ZNF385B: variants seen among roughly 807,000 people sequenced by gnomAD.
The protein encoded by ZNF385B is zinc finger protein 533.
In ZNF385B, 23 loss-of-function variants were observed where a neutral mutation model predicts 39.2. That is an observed-to-expected ratio of 0.59 (90% CI 0.42 to 0.83). The LOEUF is 0.83. Among genes scored for constraint, ZNF385B ranks in the 40% least tolerant of loss-of-function variants. The probability of loss-of-function intolerance (pLI) is 0.00; values close to 1 mark genes in which losing one functional copy is unlikely to be tolerated. For synonymous variants in ZNF385B, 205 were observed against 222.6 expected (o/e 0.92, Z 0.70); for missense variants, 552 against 598.9 (o/e 0.92, Z 0.82).
chr2:179,585,815 T>C (rs1011024663), intron 3 of ZNF385B: 1 of 152,226 alleles, frequency 6.6e-6, no homozygotes, highest in African/African-American at 2.4e-5. Flanking sequence ...GTGACCTTTA[T>C]CATCTCTTCC....
intron 1 of ZNF385B, among the ~76,000 whole-genome samples, chr2:179,779,152 A>C (rs905605203): frequency 3.9e-5 from 6 of 152,224 alleles, no homozygotes; most frequent in African/African-American, 1.4e-4. Flanking sequence ...TATTCTAAAA[A>C]ACACAGTGCT....
chr2:179,447,529 C>T (rs1282068732), intron 6 of ZNF385B, among the ~76,000 whole-genome samples: 1 of 152,172 alleles, frequency 6.6e-6, no homozygotes, highest in Non-Finnish European at 1.5e-5. Context: ...GTTAGAGTGA[C>T]TTTAACAGAA....
At chr2:179,484,963 C>T (rs1279036379) in intron 5 of ZNF385B, among the ~76,000 whole-genome samples, 1 of 151,936 alleles carries the variant, frequency 6.6e-6, no homozygotes, top group African/African-American at 2.4e-5. Flanking sequence ...CTTACATAGG[C>T]CTCTTGGTGG....
chr2:179,520,152 C>A (rs1043086617), intron 4 of ZNF385B, among the ~76,000 whole-genome samples: 16 of 151,552 alleles, frequency 1.1e-4, no homozygotes, highest in Admixed American at 6.6e-5. Context: ...GGCAACACAG[C>A]AAGACCCTGT....
intron 3 of ZNF385B, among the ~76,000 whole-genome samples, chr2:179,618,917 A>C (rs904854611): frequency 3.9e-5 from 6 of 152,238 alleles, no homozygotes; most frequent in Non-Finnish European, 8.8e-5. Context: ...GGAAGGTAGC[A>C]CAGACAGAAG....
At chr2:179,703,190 C>G (rs1699338972) in intron 3 of ZNF385B, among the ~76,000 whole-genome samples, 1 of 152,240 alleles carries the variant, frequency 6.6e-6, no homozygotes. Context: ...CTCTAGTTCT[C>G]TCTGAAGCAG....
chr2:179,804,053 CTG>C (rs1706199214), intron 1 of ZNF385B, among the ~76,000 whole-genome samples: 1 of 152,176 alleles, frequency 6.6e-6, no homozygotes, highest in Non-Finnish European at 1.5e-5. Flanking sequence ...CAACACAAAT[CTG>C]TTTATCCCTG....
chr2:179,832,794 C>T (rs1366550726), intron 1 of ZNF385B, among the ~76,000 whole-genome samples: 1 of 152,162 alleles, frequency 6.6e-6, no homozygotes, highest in East Asian at 1.9e-4. Flanking sequence ...ATAGTCAAGA[C>T]CTAACCGAAT....
Position 179,474,740 on chromosome 2 carries a change from T to C in ZNF385B, c.715+8532A>G, listed in dbSNP as rs2053218303. Among the ~76,000 whole-genome samples, 4 of 152,164 alleles carry C rather than the reference T, an allele frequency of 2.6e-5. No homozygotes were observed. In the South Asian group the frequency reaches 8.3e-4, roughly 32 times the overall value. ...CTGCATAATGAAAGATGATGATAGC[T>C]GACCACTACAAGGTGTCGCTGTCAT... On this transcript the variant is annotated intron_variant, in intron 6 of 9. Coordinates refer to ENST00000410066, the MANE Select transcript of ZNF385B (RefSeq NM_152520.6).
At chr2:179,655,206 G>C (rs895834828) in intron 3 of ZNF385B, among the ~76,000 whole-genome samples, 2 of 152,106 alleles carry the variant, frequency 1.3e-5, no homozygotes, top group African/African-American at 4.8e-5. Flanking sequence ...TATATTTTCT[G>C]TTGTCAAGTC....
chr2:179,520,158 C>G, intron 4 of ZNF385B, among the ~76,000 whole-genome samples: 1 of 151,568 alleles, frequency 6.6e-6, no homozygotes, highest in Non-Finnish European at 1.5e-5. Context: ...ACAGCAAGAC[C>G]CTGTCTCCAT....
intron 3 of ZNF385B, among the ~76,000 whole-genome samples, chr2:179,768,745 G>C (rs1376123018): frequency 6.6e-6 from 1 of 152,202 alleles, no homozygotes; most frequent in Non-Finnish European, 1.5e-5. Flanking sequence ...CTTTAATTCT[G>C]TCACAGTGAA....
At chr2:179,466,203 G>C (rs999091961) in intron 6 of ZNF385B, among the ~76,000 whole-genome samples, 1 of 152,046 alleles carries the variant, frequency 6.6e-6, no homozygotes, top group African/African-American at 2.4e-5. Context: ...CGATGTACTA[G>C]ACAGGGTCAT....
intron 3 of ZNF385B, among the ~76,000 whole-genome samples, chr2:179,665,408 A>AT (rs913946135): frequency 2.0e-5 from 3 of 152,126 alleles, no homozygotes; most frequent in African/African-American, 7.2e-5. Context: ...TACATGCATG[A>AT]TTTTTTTCAA....
At chr2:179,522,289 T>A (rs926326049) in intron 4 of ZNF385B, among the ~76,000 whole-genome samples, 25 of 152,236 alleles carry the variant, frequency 1.6e-4, no homozygotes, top group Non-Finnish European at 2.9e-4. Context: ...AGTACAATGC[T>A]CTAAAAGCTA....
chr2:179,697,170 T>C (rs926518384), intron 3 of ZNF385B, among the ~76,000 whole-genome samples: 2 of 152,160 alleles, frequency 1.3e-5, no homozygotes, highest in East Asian at 3.8e-4. Context: ...GGACAACTGA[T>C]TTTGTGAAGT....
chr2:179,797,715 C>T (rs1307899494), intron 1 of ZNF385B, among the ~76,000 whole-genome samples: 1 of 151,970 alleles, frequency 6.6e-6, no homozygotes, highest in African/African-American at 2.4e-5. Context: ...TTTTCTTTTC[C>T]TTCTGAAAAC....
chr2:179,481,670 T>C (rs1021548900), intron 6 of ZNF385B, among the ~76,000 whole-genome samples: 1 of 152,198 alleles, frequency 6.6e-6, no homozygotes, highest in Non-Finnish European at 1.5e-5. Context: ...CTAACCTCCA[T>C]TGTTTTATCA....
chr2:179,711,625 C>T (rs78646731), intron 3 of ZNF385B, among the ~76,000 whole-genome samples: 18,778 of 152,062 alleles, frequency 0.12, 1,788 homozygotes, highest in East Asian at 0.49. Flanking sequence ...TTATCAGGAA[C>T]ATCTAAATCC....
Sources: allele counts gnomAD v4.1 joint callset (sites outside exome capture counted in the v4.1 genomes callset), GRCh38; gene constraint gnomAD v4.1.1; transcripts MANE v1.5; gene names NCBI Gene and HGNC (gene_info 2026-07-23, HGNC 2026-07-21).